The following KCNK13 variants were observed in gnomAD, a reference collection of about 807,000 sequenced individuals.
KCNK13 encodes potassium channel subfamily K member 13.
Under a neutral mutation model 23.4 loss-of-function variants are expected in KCNK13, and 12 were observed. The observed-to-expected ratio is 0.51, with a 90% CI of 0.33 to 0.83. The LOEUF is 0.83. KCNK13 is among the 40% of genes least tolerant of loss of function. KCNK13 has a pLI of 0.02. For synonymous variants in KCNK13, 231 were observed against 229.5 expected (o/e 1.01, Z -0.06); for missense variants, 463 against 556.3 (o/e 0.83, Z 1.69).
chr14:90,087,154 ATTTT>A lies in KCNK13; in HGVS notation c.334+24624_334+24627del, dbSNP rs1555401789. 7.0e-4 allele frequency among the ~76,000 whole-genome samples: 75 copies of A among 107,616 alleles called. 1 individual carries two copies. The East Asian group carries it at 0.014, about 20-fold the overall frequency. The allele number at this position is 107,616 out of a possible 152,430, so 70.6% of individuals were successfully genotyped here. A position where few individuals can be genotyped will look rare whatever the true frequency, so the allele number is the denominator to read the frequency against. On this transcript the variant is annotated intron_variant, in intron 1 of 1. Coordinates refer to ENST00000282146, the MANE Select transcript of KCNK13 (RefSeq NM_022054.4). ...CATATATATATATATATATATATATATTTTTTTTTTTTATTGAGATGGGGCCTCA... is the reference window on the plus strand; with the variant it reads ...CATATATATATATATATATATATATATTTTTTTTATTGAGATGGGGCCTCA...
chr14:90,123,604 T>C (rs932757006), intron 1 of KCNK13, among the ~76,000 whole-genome samples: 1 of 152,184 alleles, frequency 6.6e-6, no homozygotes, highest in Non-Finnish European at 1.5e-5. Flanking sequence ...AAGTTGCCAG[T>C]CCTCGTTTGT....
chr14:90,120,937 A>AT (rs1355138206), intron 1 of KCNK13, among the ~76,000 whole-genome samples: 1 of 151,926 alleles, frequency 6.6e-6, no homozygotes, highest in Non-Finnish European at 1.5e-5. Context: ...CCTAGATACA[A>AT]GGGGGGTACA....
chr14:90,156,550 A>G (rs531884611), intron 1 of KCNK13, among the ~76,000 whole-genome samples: 4 of 152,274 alleles, frequency 2.6e-5, no homozygotes, highest in Admixed American at 2.0e-4. Flanking sequence ...AGCCACATAG[A>G]ATTGTGGCAG....
chr14:90,161,891 G>A (rs60633493), intron 1 of KCNK13, among the ~76,000 whole-genome samples: 229 of 152,278 alleles, frequency 1.5e-3, no homozygotes, highest in East Asian at 0.012. Flanking sequence ...AAGAAAAGGA[G>A]AACAGGGCTG....
intron 1 of KCNK13, among the ~76,000 whole-genome samples, chr14:90,129,765 T>C (rs1248058192): frequency 6.6e-6 from 1 of 152,094 alleles, no homozygotes; most frequent in African/African-American, 2.4e-5. Context: ...ACTGGTGTGT[T>C]TGCTGTTTTA....
intron 1 of KCNK13, among the ~76,000 whole-genome samples, chr14:90,098,750 A>C (rs1248413130): frequency 6.6e-6 from 1 of 151,994 alleles, no homozygotes; most frequent in African/African-American, 2.4e-5. Flanking sequence ...TTCTACTGCG[A>C]ATCTTTAGAA....
intron 1 of KCNK13, among the ~76,000 whole-genome samples, chr14:90,165,881 C>T (rs1417338607): frequency 6.6e-6 from 1 of 152,188 alleles, no homozygotes; most frequent in Non-Finnish European, 1.5e-5. Context: ...CCCCAAGATG[C>T]AGTGACTCTC....
intron 1 of KCNK13, among the ~76,000 whole-genome samples, chr14:90,125,839 A>G (rs1219632245): frequency 1.3e-5 from 2 of 152,108 alleles, no homozygotes; most frequent in South Asian, 2.1e-4. Context: ...CCTAGGCAAC[A>G]TGGTGAAACC....
chr14:90,132,693 A>G (rs543603069), intron 1 of KCNK13, among the ~76,000 whole-genome samples: 11 of 152,296 alleles, frequency 7.2e-5, no homozygotes, highest in South Asian at 4.2e-4. Context: ...TGGTTGTACA[A>G]TGTGAATGTA....
chr14:90,139,684 G>A (rs1017430156), intron 1 of KCNK13, among the ~76,000 whole-genome samples: 1 of 152,208 alleles, frequency 6.6e-6, no homozygotes, highest in African/African-American at 2.4e-5. Context: ...GATAGGGGCT[G>A]GGTGCGGTGT....
chr14:90,158,631 G>A (rs952873394), intron 1 of KCNK13, among the ~76,000 whole-genome samples: 1 of 152,248 alleles, frequency 6.6e-6, no homozygotes, highest in African/African-American at 2.4e-5. Flanking sequence ...GCTTCCTGGG[G>A]TGCAGTGTTT....
At chr14:90,092,221 C>T (rs907359348) in intron 1 of KCNK13, among the ~76,000 whole-genome samples, 12 of 152,148 alleles carry the variant, frequency 7.9e-5, no homozygotes, top group Admixed American at 5.2e-4. Flanking sequence ...CGCACCCAGC[C>T]GGGAGCTCCA....
chr14:90,170,644 C>A (rs185149297), intron 1 of KCNK13, among the ~76,000 whole-genome samples: 246 of 152,240 alleles, frequency 1.6e-3, no homozygotes, highest in African/African-American at 5.7e-3. Flanking sequence ...GAGAAGTATA[C>A]AATTTTCCTG....
At chr14:90,115,377 C>T (rs914363480) in intron 1 of KCNK13, among the ~76,000 whole-genome samples, 1 of 152,150 alleles carries the variant, frequency 6.6e-6, no homozygotes, top group African/African-American at 2.4e-5. Context: ...CACCAAGGGC[C>T]CTAATTCAGA....
At chr14:90,087,134 ATATATATATATATATATATATT>A (rs1889286791) in intron 1 of KCNK13, among the ~76,000 whole-genome samples, 1 of 101,816 alleles carries the variant, frequency 9.8e-6, no homozygotes, top group African/African-American at 3.6e-5. Flanking sequence ...ATATACATAT[ATATATATATATATATATATATT>A]TTTTTTTTTT....
At chr14:90,077,478 T>G (rs1889154064) in intron 1 of KCNK13, among the ~76,000 whole-genome samples, 4 of 152,202 alleles carry the variant, frequency 2.6e-5, no homozygotes, top group Non-Finnish European at 5.9e-5. Flanking sequence ...AATCCCTGCA[T>G]TTTTATCTTG....
intron 1 of KCNK13, among the ~76,000 whole-genome samples, chr14:90,083,060 CT>C (rs1889232245): frequency 6.6e-6 from 1 of 152,124 alleles, no homozygotes; most frequent in Non-Finnish European, 1.5e-5. Flanking sequence ...TGTATACTAT[CT>C]TAAAAGAAAG....
intron 1 of KCNK13, among the ~76,000 whole-genome samples, chr14:90,179,908 A>G (rs1890466526): frequency 2.0e-5 from 3 of 152,172 alleles, no homozygotes; most frequent in Admixed American, 2.0e-4. Context: ...TTAGCTTGTG[A>G]TGCCAGCCAA....
At chr14:90,171,282 A>G (rs1019599498) in intron 1 of KCNK13, among the ~76,000 whole-genome samples, 5 of 152,216 alleles carry the variant, frequency 3.3e-5, no homozygotes, top group Non-Finnish European at 7.4e-5. Flanking sequence ...AGGAAAACTC[A>G]TAGAGGCCAG....
Sources: allele counts gnomAD v4.1 joint callset (sites outside exome capture counted in the v4.1 genomes callset), GRCh38; gene constraint gnomAD v4.1.1; transcripts MANE v1.5; gene names NCBI Gene and HGNC (gene_info 2026-07-23, HGNC 2026-07-21).